Variants in TMEM132B observed in about 807,000 individuals in gnomAD.
TMEM132B encodes the protein transmembrane protein 132B.
Under a neutral mutation model 90.8 loss-of-function variants are expected in TMEM132B, and 18 were observed. That is an observed-to-expected ratio of 0.20 (90% confidence interval 0.14 to 0.29). TMEM132B has a LOEUF of 0.29. Ranked by LOEUF, TMEM132B falls within the 10% of genes least tolerant of loss-of-function variation. TMEM132B has a pLI of 1.00. For missense variants in TMEM132B, 1,096 were observed against 1,326.8 expected (o/e 0.83, Z 2.70); for synonymous variants, 504 against 523.3 (o/e 0.96, Z 0.50).
At chr12:125,617,394 G>A (rs2136960877) in intron 5 of TMEM132B, among the ~76,000 whole-genome samples, 1 of 147,364 alleles carries the variant, frequency 6.8e-6, no homozygotes, top group South Asian at 2.2e-4. Context: ...TGCCCAGGCT[G>A]GAGTGCAGTG....
At chr12:125,633,252 C>G (rs570958059) in intron 5 of TMEM132B, among the ~76,000 whole-genome samples, 5 of 152,134 alleles carry the variant, frequency 3.3e-5, no homozygotes, top group African/African-American at 4.8e-5. Context: ...TTTTTCAGCT[C>G]AAGAATTTCT....
chr12:125,572,101 G>C (rs1884812964), intron 4 of TMEM132B, among the ~76,000 whole-genome samples: 2 of 152,280 alleles, frequency 1.3e-5, no homozygotes, highest in Admixed American at 1.3e-4. Context: ...ATTAGATTCA[G>C]TTTACATGAT....
intron 1 of TMEM132B, among the ~76,000 whole-genome samples, chr12:125,273,991 G>A (rs1174098766): frequency 6.6e-6 from 1 of 152,072 alleles, no homozygotes; most frequent in African/African-American, 2.4e-5. Flanking sequence ...CGCCCTCTGT[G>A]CTCTTCCCCA....
At chr12:125,252,621 G>A (rs1435203742) in intron 1 of TMEM132B, among the ~76,000 whole-genome samples, 1 of 152,222 alleles carries the variant, frequency 6.6e-6, no homozygotes, top group East Asian at 1.9e-4. Context: ...CCTAGAAGGT[G>A]TCCCTGTGAT....
In TMEM132B at chr12:125,605,409, G is replaced by T. The variant is rs373771699; in HGVS notation, c.1437+21415G>T. ...TGCAACAAGTCTCTATATTGTGTCT[G>T]CCATGTGCATGGAAGAGCAGAATTA... On this transcript the variant is annotated intron_variant, in intron 5 of 8. Coordinates refer to ENST00000682704, the MANE Select transcript of TMEM132B (RefSeq NM_001366854.1). Among the ~76,000 whole-genome samples the T allele has an allele frequency of 8.5e-5, 13 of 152,270 alleles. No individual in the cohort carries two copies. The East Asian group carries it at 1.9e-3, about 23-fold the overall frequency.
At chr12:125,530,908 A>G (rs1015496419) in intron 4 of TMEM132B, among the ~76,000 whole-genome samples, 1 of 152,266 alleles carries the variant, frequency 6.6e-6, no homozygotes, top group Non-Finnish European at 1.5e-5. Flanking sequence ...TTAGGGGGAC[A>G]CTAGCTCACT....
chr12:125,644,082 A>G lies in TMEM132B; in HGVS notation c.1444A>G (p.Asn482Asp). 1 of 1,614,180 alleles carries G rather than the reference A, an allele frequency of 6.2e-7. No individual in the cohort carries two copies. The highest frequency in any genetic ancestry group is 8.5e-7 in the Non-Finnish European group (1 of 1,180,026). Residue 482 changes from asparagine (N) to aspartate (D), a missense_variant, in exon 6 of 9, where the codon AAC becomes GAC. Physicochemically the swap from Asn to Asp is conservative, Grantham distance 23. Transcript: ENST00000682704. ...TTCTACCTCCTTCCCAAAGGTTTCC[A>G]ACAACTGTGATTCCATTTTTGTGAA... ...SADEDVIKVS[N>D]NCDSIFVNGK... is the part of the protein sequence containing the mutation.
intron 3 of TMEM132B, among the ~76,000 whole-genome samples, chr12:125,501,202 T>C (rs1882686843): frequency 6.6e-6 from 1 of 152,130 alleles, no homozygotes; most frequent in South Asian, 2.1e-4. Flanking sequence ...CCAGATAAAA[T>C]ACAAGATACC....
intron 1 of TMEM132B, among the ~76,000 whole-genome samples, chr12:125,262,134 C>T (rs551766238): frequency 6.6e-6 from 1 of 151,116 alleles, no homozygotes; most frequent in South Asian, 2.1e-4. Flanking sequence ...ATTGACTGGG[C>T]ACAGTGGCTC....
intron 4 of TMEM132B, among the ~76,000 whole-genome samples, chr12:125,529,558 T>C (rs74823921): frequency 0.04 from 6,133 of 152,266 alleles, 440 homozygotes; most frequent in African/African-American, 0.14. Flanking sequence ...TCACTCACTT[T>C]GCTGGTCGCT....
At chr12:125,442,645 TAAGAG>T (rs1363313303) in intron 3 of TMEM132B, among the ~76,000 whole-genome samples, 1 of 152,192 alleles carries the variant, frequency 6.6e-6, no homozygotes, top group African/African-American at 2.4e-5. Flanking sequence ...CTCAAAAAGA[TAAGAG>T]AAGATGCTCT....
intron 3 of TMEM132B, among the ~76,000 whole-genome samples, chr12:125,491,413 G>A (rs146238967): frequency 6.6e-6 from 1 of 152,178 alleles, no homozygotes; most frequent in East Asian, 1.9e-4. Context: ...AAACCCAAGT[G>A]AACCTATCTG....
At chr12:125,449,242 C>G (rs541493836) in intron 3 of TMEM132B, among the ~76,000 whole-genome samples, 52 of 152,212 alleles carry the variant, frequency 3.4e-4, no homozygotes, top group Non-Finnish European at 5.4e-4. Context: ...GCTGGGATTA[C>G]AGGCGTGAGC....
chr12:125,517,261 C>T (rs1362731617), intron 3 of TMEM132B, among the ~76,000 whole-genome samples: 1 of 150,352 alleles, frequency 6.7e-6, no homozygotes, highest in African/African-American at 2.4e-5. Context: ...CCTGGGTTCA[C>T]CCCATTCTCC....
Position 125,353,926 on chromosome 12 carries a change from A to G in TMEM132B, c.959+3583A>G, listed in dbSNP as rs187208718. ...ATTTTTCTTTTTTCCCTAAGAAGTT[A>G]ATTTTAGAGCTGAAATGGACTTTAA... On this transcript the variant is annotated intron_variant, in intron 2 of 8. Transcript: ENST00000682704. Among the ~76,000 whole-genome samples the G allele has an allele frequency of 2.6e-5, 4 of 152,324 alleles. 1 individual carries two copies. The highest frequency in any genetic ancestry group is 1.3e-4 in the Admixed American group (2 of 15,294).
intron 3 of TMEM132B, among the ~76,000 whole-genome samples, chr12:125,453,138 T>A (rs1445926486): frequency 6.6e-6 from 1 of 152,196 alleles, no homozygotes; most frequent in African/African-American, 2.4e-5. Flanking sequence ...TAAATTTTTT[T>A]AATTCACTCA....
chr12:125,237,711 A>G (rs371488164), intron 1 of TMEM132B, among the ~76,000 whole-genome samples: 1 of 152,278 alleles, frequency 6.6e-6, no homozygotes, highest in East Asian at 1.9e-4. Flanking sequence ...AGCCTCCCAA[A>G]GTGCTGGGAT....
intron 1 of TMEM132B, among the ~76,000 whole-genome samples, chr12:125,332,647 A>G (rs569883936): frequency 8.8e-4 from 114 of 129,378 alleles, no homozygotes; most frequent in African/African-American, 3.3e-3. Context: ...GGTAGGTGAA[A>G]AGGGGTTTCC....
chr12:125,199,466 G>A (rs1302032837), intron 1 of TMEM132B, among the ~76,000 whole-genome samples: 1 of 152,188 alleles, frequency 6.6e-6, no homozygotes, highest in Non-Finnish European at 1.5e-5. Flanking sequence ...GTTCTGGGGG[G>A]CTGTGATACA....
Sources: gnomAD v4.1 joint callset for allele counts (sites outside exome capture counted in the v4.1 genomes callset) on GRCh38, gnomAD v4.1.1 for gene constraint, MANE v1.5 for transcripts, NCBI Gene and HGNC (gene_info 2026-07-23, HGNC 2026-07-21) for gene names.